CHRNE: variants seen among roughly 807,000 people sequenced by gnomAD.
CHRNE encodes the protein cholinergic receptor nicotinic epsilon subunit, also known as acetylcholine receptor subunit epsilon.
Under a neutral mutation model 56.5 loss-of-function variants are expected in CHRNE, and 58 were observed. The observed-to-expected ratio is 1.03, with a 90% CI of 0.83 to 1.28. The LOEUF (loss-of-function observed/expected upper bound fraction) is 1.28. CHRNE is among the 50% of genes most tolerant of loss of function. The pLI is 0.00. For missense variants in CHRNE, 793 were observed against 688.9 expected (o/e 1.15, Z -1.69); for synonymous variants, 385 against 297.9 (o/e 1.29, Z -3.01).
In CHRNE at chr17:4,898,499, C is replaced by T; in HGVS notation, c.*237G>A. On this transcript the variant is annotated 3_prime_UTR_variant, in exon 12 of 12. Coordinates refer to ENST00000649488, the MANE Select transcript of CHRNE (RefSeq NM_000080.4). ...CAGCAAGGCTGAATGAAGGGCAGTC[C>T]TTGCTTTCTGGAAGACTGGCACCTG... The T allele has an allele frequency of 1.7e-6, 1 of 591,398 alleles. No individual in the cohort carries two copies. The highest frequency in any genetic ancestry group is 3.0e-6 in the Non-Finnish European group (1 of 332,818). 36.6% of individuals were successfully genotyped at this position (591,398 alleles called of 1,614,324 possible).
At chr17:4,900,344 C>T (rs1031779201) in intron 8 of CHRNE, 3 of 1,547,002 alleles carry the variant, frequency 1.9e-6, no homozygotes, top group African/African-American at 1.4e-5. Context: ...TAGCCCAAGC[C>T]GCAGGGCAGG....
At chr17:4,900,719 C>G in intron 8 of CHRNE, 74 bp downstream of exon 8, 2 of 1,505,304 alleles carry the variant, frequency 1.3e-6, no homozygotes, top group Non-Finnish European at 1.8e-6. Context: ...CAGAGCTTTT[C>G]CCGGGGTCTC....
upstream of CHRNE, chr17:4,903,121 C>T (rs1259013121): frequency 6.4e-5 from 101 of 1,590,094 alleles, no homozygotes; most frequent in Admixed American, 1.7e-3. Flanking sequence ...GGGGGCATGC[C>T]AGGGTGCCTG....
chr17:4,901,854 G>A (rs1444359132), intron 5 of CHRNE, 78 bp downstream of exon 5: 4 of 1,589,052 alleles, frequency 2.5e-6, no homozygotes, highest in Admixed American at 3.4e-5. Context: ...CCCCGAGGGC[G>A]GTGCTTCCCG....
intron 9 of CHRNE, 23 bp from the exon 10 acceptor site, chr17:4,899,407 G>A: frequency 1.9e-6 from 3 of 1,539,322 alleles, no homozygotes; most frequent in East Asian, 2.4e-5. Context: ...CGGGGCTTAG[G>A]GGACGAGGTT....
chr17:4,899,267 GCTC>G lies in CHRNE; in HGVS notation c.1147_1149del (p.Glu383del), dbSNP rs961784740. 5.0e-6 allele frequency: 8 copies of G among 1,602,820 alleles called. No homozygotes were observed. The African/African-American group carries it at 1.1e-4, about 21-fold the overall frequency. On this transcript the variant is annotated inframe_deletion, in exon 10 of 12. Transcript: ENST00000649488. ...TCGCTCCGTGGCTTTTTCAGTATCA[GCTC>G]CTCCGCGCGGAGCAATAAGCCCACC...
Position 4,901,550 on chromosome 17 carries a change from G to A in CHRNE, c.576C>T (p.Ile192=). The A allele has an allele frequency of 6.2e-7, 1 of 1,614,128 alleles. No homozygotes were observed. Among genetic ancestry groups the A allele is most frequent in the Non-Finnish European group, 8.5e-7 (1 of 1,180,002 alleles). The change falls in exon 6 of 12, where the codon ATC becomes ATT. Residue 192 remains isoleucine, a synonymous_variant. Transcript: ENST00000649488. ...CAGTATAGGCCTCTGTGTCGATGTC[G>A]ATCTTGTTGATGGTCTTGCCGTCGT... ...VDNDGKTINK[I]DIDTEAYTEN...
In CHRNE at chr17:4,901,884, GC is replaced by G. The variant is rs113559784; in HGVS notation, c.500+47del. 8.9e-3 allele frequency: 13,504 copies of G among 1,524,752 alleles called. 944 individuals carry two copies. In the African/African-American group the frequency reaches 0.15, roughly 17 times the overall value. 94.5% of individuals were successfully genotyped at this position (1,524,752 alleles called of 1,614,324 possible). A position where few individuals can be genotyped will look rare whatever the true frequency, so the allele number is the denominator to read the frequency against. ...TTCCCGGTTGGCCCCGCCCCATAAGGCCCCCCCCCAACAATAATCGTCCGGG... is the reference window on the plus strand; with the variant it reads ...TTCCCGGTTGGCCCCGCCCCATAAGGCCCCCCCCAACAATAATCGTCCGGG... On this transcript the variant is annotated intron_variant, in intron 5 of 11. Transcript: ENST00000649488.
rs372792059 is a variant in CHRNE at position 4,898,805 on chromosome 17, G to A, written c.1413C>T (p.Ser471=). 1.1e-5 allele frequency: 18 copies of A among 1,606,396 alleles called. No individual in the cohort carries two copies. The African/African-American group carries it at 2.3e-4, about 20-fold the overall frequency. Residue 471 remains serine, a synonymous_variant, in exon 12 of 12, where the codon AGC becomes AGT. Transcript: ENST00000649488. The stretch of plus-strand genomic sequence containing the variant: ...TGAAGTAGGCCCCGAGGAAGATGAG[G>A]CTGGAGCCCACGCTGAAGAGCACCA... ...AALVLFSVGS[S]LIFLGAYFNR...
intron 8 of CHRNE, chr17:4,900,469 C>T (rs1186314661): frequency 3.2e-6 from 5 of 1,551,004 alleles, no homozygotes; most frequent in Non-Finnish European, 4.4e-6. Flanking sequence ...CTGCGACAGT[C>T]GCAACAGCAG....
upstream of CHRNE, among the ~76,000 whole-genome samples, chr17:4,907,280 C>T (rs1970101963): frequency 6.6e-6 from 1 of 152,060 alleles, no homozygotes. Flanking sequence ...GAAAACACTC[C>T]GGGCCGGGCG....
rs1484692721 is a variant in CHRNE, at chr17:4,900,267, C to T, written c.917+526G>A. On this transcript the variant is annotated intron_variant, in intron 8 of 11. Transcript: ENST00000649488. ...AGCCCTGTGGCTGCAGCAGGAGGCG[C>T]GGCGACTAGACGGCAGCGCGGGCCC... The T allele has an allele frequency of 7.1e-6, 11 of 1,546,008 alleles. No individual in the cohort carries two copies. In the South Asian group the frequency reaches 9.5e-5, roughly 13 times the overall value.
Position 4,902,493 on chromosome 17 carries a change from T to C in CHRNE, c.191A>G (p.Asn64Ser). 6.2e-7 allele frequency: 1 copy of C among 1,614,160 alleles called. No individual in the cohort carries two copies. The highest frequency in any genetic ancestry group is 8.5e-7 in the Non-Finnish European group (1 of 1,180,034). Residue 64 changes from asparagine to serine, a missense_variant and splice_region_variant, in exon 3 of 12, where the codon AAT becomes AGT. Coordinates refer to ENST00000649488, the MANE Select transcript of CHRNE (RefSeq NM_000080.4). The surrounding 1 kb of genome is among the most constrained non-coding windows in gnomAD (Gnocchi z 4.0). ...AGTGGTGAGAGTCTCCTCTTTTTCA[T>C]TCTGCAGATGGGAGATGGGGATGAT... Reference protein sequence around the residue: ...KVTLTNLISLNEKEETLTTSV... With the variant: ...KVTLTNLISLSEKEETLTTSV...
At chr17:4,900,351 C>A in intron 8 of CHRNE, 1 of 1,547,830 alleles carries the variant, frequency 6.5e-7, no homozygotes, top group Non-Finnish European at 8.7e-7. Context: ...AGCCGCAGGG[C>A]AGGGGGTTCG....
Position 4,899,484 on chromosome 17 carries a change from G to C in CHRNE, c.1016C>G (p.Ser339Cys), listed in dbSNP as rs1332740871. ...SQRTPTTHAM[S>C]PRLRHVLLEL... ...CGCGCTTACGTGGCGCAGCCGCGGG[G>C]ACATGGCGTGGGTGGTGGGCGTCCG... is the stretch of plus-strand genomic sequence containing the variant. Residue 339 changes from serine (S) to cysteine (C), a missense_variant, in exon 9 of 12, where the codon TCC (serine) becomes TGC (cysteine). Physicochemically the swap from Ser to Cys is moderately radical, Grantham distance 112. Transcript: ENST00000649488. The C allele has an allele frequency of 6.3e-7, 1 of 1,598,982 alleles. No homozygotes were observed. Among genetic ancestry groups the C allele is most frequent in the East Asian group, 2.3e-5 (1 of 44,364 alleles).
upstream of CHRNE, among the ~76,000 whole-genome samples, chr17:4,906,221 T>C (rs1231886099): frequency 6.6e-6 from 1 of 152,146 alleles, no homozygotes; most frequent in East Asian, 1.9e-4. Context: ...ATCATGGGGT[T>C]GGCCTAAGAC....
At chr17:4,901,269 C>T (rs1261073753) in intron 6 of CHRNE, 79 bp from the exon 7 acceptor site, 17 of 1,492,928 alleles carry the variant, frequency 1.1e-5, no homozygotes, top group Non-Finnish European at 1.5e-5. Flanking sequence ...GAGGAGGCTG[C>T]GGCTGTCTGC....
chr17:4,899,131 G>A (rs766817094), intron 10 of CHRNE, 24 bp from the exon 11 acceptor site: 4 of 1,601,024 alleles, frequency 2.5e-6, no homozygotes, highest in Admixed American at 1.7e-5. Context: ...CACCGGGGTG[G>A]GCCTTAGGAG....
In CHRNE at chr17:4,901,967, G is replaced by T; in HGVS notation, c.465C>A (p.Phe155Leu). 4.3e-6 allele frequency: 7 copies of T among 1,614,150 alleles called. No individual in the cohort carries two copies. The highest frequency in any genetic ancestry group is 5.9e-6 in the Non-Finnish European group (7 of 1,180,030). The change falls in exon 5 of 12, where the codon TTC (phenylalanine) becomes TTA (leucine). Residue 155 changes from phenylalanine to leucine, a missense_variant. Transcript: ENST00000649488. ...GCGAACAGTTCTGCCAATCGAAGGG[G>T]AAGTAGGTGACCTCCACTGCGCAGA... is the stretch of plus-strand genomic sequence containing the variant. ...RSVCAVEVTYFPFDWQNCSLI... is the reference protein window; with the variant it reads ...RSVCAVEVTYLPFDWQNCSLI...
Sources: gnomAD v4.1 joint callset for allele counts (sites outside exome capture counted in the v4.1 genomes callset) on GRCh38, gnomAD v4.1.1 for gene constraint, Gnocchi (gnomAD v3.1) non-coding constraint, MANE v1.5 for transcripts, NCBI Gene and HGNC (gene_info 2026-07-23, HGNC 2026-07-21) for gene names.